The following CADPS variants were observed in gnomAD, a reference collection of about 807,000 sequenced individuals.
CADPS encodes calcium-dependent secretion activator 1.
Under a neutral mutation model 167.3 loss-of-function variants are expected in CADPS, and 57 were observed. The ratio of observed to expected loss-of-function variants is 0.34; its 90% confidence interval spans 0.28 to 0.42. The LOEUF (loss-of-function observed/expected upper bound fraction) is 0.42, where lower values mean the gene tolerates loss of function less well. CADPS is among the 20% of genes least tolerant of loss of function. The probability of loss-of-function intolerance (pLI) is 1.00; values close to 1 mark genes in which losing one functional copy is unlikely to be tolerated. For synonymous variants in CADPS, 676 were observed against 635.3 expected, an observed-to-expected ratio of 1.06 and a Z score of -0.96; for missense variants, 1,414 against 1,738.1, an observed-to-expected ratio of 0.81 and a Z score of 3.32.
At chr3:62,786,301 A>G (rs1576392848) in intron 1 of CADPS, among the ~76,000 whole-genome samples, 1 of 152,272 alleles carries the variant, frequency 6.6e-6, no homozygotes, top group East Asian at 1.9e-4. Flanking sequence ...TTAAAAGTAG[A>G]AACTCTTTTT....
intron 21 of CADPS, 47 bp downstream of exon 21, chr3:62,491,292 A>C: frequency 6.3e-7 from 1 of 1,596,366 alleles, no homozygotes; most frequent in South Asian, 1.1e-5. Context: ...ATTACTCTCC[A>C]GCCATTTGTA....
At chr3:62,751,644 C>A (rs142107014) in intron 3 of CADPS, among the ~76,000 whole-genome samples, 13,877 of 152,110 alleles carry the variant, frequency 0.091, 700 homozygotes, top group African/African-American at 0.12. Context: ...TGGTCTTGAA[C>A]TCCTGACCTC....
intron 6 of CADPS, among the ~76,000 whole-genome samples, chr3:62,645,221 G>A (rs71296784): frequency 0.09 from 13,646 of 151,854 alleles, 697 homozygotes; most frequent in Non-Finnish European, 0.1. Context: ...AGGGGGTAAC[G>A]GATAACAGAC....
chr3:62,628,492 C>T (rs988832303), intron 6 of CADPS, among the ~76,000 whole-genome samples: 6 of 152,024 alleles, frequency 3.9e-5, no homozygotes, highest in African/African-American at 1.4e-4. Flanking sequence ...AAATTAATAA[C>T]CTGCTCTTTT....
chr3:62,697,351 G>C (rs548330159), intron 3 of CADPS, among the ~76,000 whole-genome samples: 7 of 152,172 alleles, frequency 4.6e-5, no homozygotes, highest in Non-Finnish European at 7.4e-5. Context: ...TTATGAGTGA[G>C]AGCATATGAT....
intron 3 of CADPS, among the ~76,000 whole-genome samples, chr3:62,730,799 A>C (rs761162221): frequency 3.3e-5 from 5 of 152,210 alleles, no homozygotes; most frequent in Non-Finnish European, 5.9e-5. Flanking sequence ...TTGCACAAAG[A>C]CCATATTCTA....
chr3:62,705,564 A>C (rs2082168466), intron 3 of CADPS, among the ~76,000 whole-genome samples: 1 of 152,178 alleles, frequency 6.6e-6, no homozygotes, highest in African/African-American at 2.4e-5. Flanking sequence ...CAATAGAATC[A>C]GCTGCCAGTG....
At chr3:62,529,169 C>A (rs1455192699) in intron 13 of CADPS, among the ~76,000 whole-genome samples, 1 of 151,966 alleles carries the variant, frequency 6.6e-6, no homozygotes. Context: ...CTCAAAAAAA[C>A]AAAAACAAAA....
intron 1 of CADPS, among the ~76,000 whole-genome samples, chr3:62,812,807 T>G (rs903888988): frequency 2.6e-5 from 4 of 152,160 alleles, no homozygotes; most frequent in African/African-American, 9.7e-5. Flanking sequence ...AGGGCATGCC[T>G]CTCCAGGCAA....
intron 18 of CADPS, among the ~76,000 whole-genome samples, chr3:62,494,277 T>C (rs1166832189): frequency 6.6e-6 from 1 of 152,154 alleles, no homozygotes; most frequent in East Asian, 1.9e-4. Context: ...CTAAGTCCAG[T>C]AGATAGAGAA....
At chr3:62,785,447 C>T (rs193190020) in intron 1 of CADPS, among the ~76,000 whole-genome samples, 22 of 152,258 alleles carry the variant, frequency 1.4e-4, no homozygotes, top group African/African-American at 5.3e-4. Context: ...GCTTTGCCAT[C>T]CATCGTTTTT....
intron 26 of CADPS, among the ~76,000 whole-genome samples, chr3:62,448,415 A>G (rs2057535337): frequency 6.6e-6 from 1 of 152,260 alleles, no homozygotes; most frequent in East Asian, 1.9e-4. Context: ...TTCTGTCACA[A>G]ATGAAAATCA....
chr3:62,799,743 G>A (rs1338496778), intron 1 of CADPS, among the ~76,000 whole-genome samples: 1 of 152,104 alleles, frequency 6.6e-6, no homozygotes, highest in Non-Finnish European at 1.5e-5. Flanking sequence ...TGTATGCAAA[G>A]GGCTTGATTA....
chr3:62,741,544 G>A (rs6809514), intron 3 of CADPS, among the ~76,000 whole-genome samples: 23,371 of 152,146 alleles, frequency 0.15, 2,370 homozygotes, highest in African/African-American at 0.3. Flanking sequence ...CTCAATAGAT[G>A]CAGAAAAGGC....
At chr3:62,499,462 A>G (rs1413162547) in intron 17 of CADPS, 194 bp from the exon 18 acceptor site, 2 of 423,996 alleles carry the variant, frequency 4.7e-6, no homozygotes, top group Admixed American at 3.5e-5. Flanking sequence ...ATTATAATAT[A>G]TATTAGAAAA....
At chr3:62,430,140 C>A (rs1210803726) in intron 28 of CADPS, among the ~76,000 whole-genome samples, 1 of 152,094 alleles carries the variant, frequency 6.6e-6, no homozygotes, top group Non-Finnish European at 1.5e-5. Flanking sequence ...ATGATTAATC[C>A]AAATCTGTTA....
At chr3:62,754,830 C>G (rs1575895658) in intron 2 of CADPS, among the ~76,000 whole-genome samples, 1 of 152,266 alleles carries the variant, frequency 6.6e-6, no homozygotes, top group East Asian at 1.9e-4. Flanking sequence ...TGATATCAGG[C>G]ACATAGCATT....
intron 28 of CADPS, among the ~76,000 whole-genome samples, chr3:62,430,591 T>C (rs2053720538): frequency 6.6e-6 from 1 of 152,050 alleles, no homozygotes; most frequent in Non-Finnish European, 1.5e-5. Flanking sequence ...AAACAGAGCT[T>C]AGATTGGGAC....
Position 62,753,081 on chromosome 3 carries a change from C to T in CADPS, c.888+360G>A, listed in dbSNP as rs2083053302. Among the ~76,000 whole-genome samples the T allele has an allele frequency of 6.6e-6, 1 of 152,156 alleles. No homozygotes were observed. The highest frequency in any genetic ancestry group is 1.5e-5 in the Non-Finnish European group (1 of 68,030). On this transcript the variant is annotated intron_variant, in intron 3 of 29. Coordinates refer to ENST00000383710, the MANE Select transcript of CADPS (RefSeq NM_003716.4). This position sits in a 1 kb window ranked among gnomAD's most constrained non-coding sequence, Gnocchi z 4.6. ...CTTCCCAGCTGAGGAAGCACAAGCC[C>T]TTCAACTGGCAAACACCAAAGGCAG... is the stretch of plus-strand genomic sequence containing the variant.
Sources: allele counts gnomAD v4.1 joint callset (sites outside exome capture counted in the v4.1 genomes callset), GRCh38; gene constraint gnomAD v4.1.1; non-coding constraint Gnocchi (gnomAD v3.1); transcripts MANE v1.5; gene names NCBI Gene and HGNC (gene_info 2026-07-23, HGNC 2026-07-21).